UBL3: variants seen among roughly 807,000 people sequenced by gnomAD.
UBL3 encodes ubiquitin like 3.
In UBL3, 6 loss-of-function variants were observed where a neutral mutation model predicts 18.4. The ratio of observed to expected loss-of-function variants is 0.33; its 90% CI spans 0.18 to 0.64. The LOEUF (loss-of-function observed/expected upper bound fraction) is 0.64. Among genes scored for constraint, UBL3 ranks in the 30% least tolerant of loss-of-function variants. UBL3 has a pLI of 0.76. For missense variants in UBL3, 109 were observed against 142.9 expected, an observed-to-expected ratio of 0.76 and a Z score of 1.21; for synonymous variants, 49 against 46.6, an observed-to-expected ratio of 1.05 and a Z score of -0.21.
chr13:29,806,237 A>G (rs1179682229), intron 1 of UBL3, among the ~76,000 whole-genome samples: 1 of 152,194 alleles, frequency 6.6e-6, no homozygotes, highest in Non-Finnish European at 1.5e-5. Flanking sequence ...CTATATTAGT[A>G]AAATTACACA....
intron 1 of UBL3, among the ~76,000 whole-genome samples, chr13:29,817,813 G>T (rs1294471295): frequency 2.0e-5 from 3 of 152,156 alleles, no homozygotes; most frequent in Non-Finnish European, 2.9e-5. Context: ...GGAGAGCAGG[G>T]AGCTGGGTAA....
chr13:29,778,013 C>T (rs952500792), intron 1 of UBL3, among the ~76,000 whole-genome samples: 1 of 152,154 alleles, frequency 6.6e-6, no homozygotes. Context: ...GTGATCTGCC[C>T]ACCTTAGCCT....
At chr13:29,819,400 A>G (rs1196602524) in intron 1 of UBL3, among the ~76,000 whole-genome samples, 11 of 152,220 alleles carry the variant, frequency 7.2e-5, no homozygotes, top group Admixed American at 7.2e-4. Context: ...GGGATAAAGA[A>G]AGATGCTCAG....
chr13:29,770,056 G>A (rs1796581861), intron 3 of UBL3, among the ~76,000 whole-genome samples: 1 of 152,022 alleles, frequency 6.6e-6, no homozygotes. Context: ...AACTGTCTTT[G>A]ATTTTCAGTT....
At chr13:29,778,152 A>G (rs1258872840) in intron 1 of UBL3, among the ~76,000 whole-genome samples, 2 of 152,186 alleles carry the variant, frequency 1.3e-5, no homozygotes, top group Admixed American at 6.5e-5. Flanking sequence ...GCATGACCAT[A>G]TATTTTTTAG....
chr13:29,821,118 T>C (rs941789954), intron 1 of UBL3, among the ~76,000 whole-genome samples: 1 of 152,142 alleles, frequency 6.6e-6, no homozygotes, highest in Non-Finnish European at 1.5e-5. Context: ...AGTGCCCACC[T>C]GGGCACTCAA....
chr13:29,812,834 A>G (rs1878130836), intron 1 of UBL3, among the ~76,000 whole-genome samples: 1 of 152,048 alleles, frequency 6.6e-6, no homozygotes, highest in Admixed American at 6.6e-5. Context: ...GTAAAACACT[A>G]TCAATAATTT....
At chr13:29,836,312 A>G (rs930692043) in intron 1 of UBL3, among the ~76,000 whole-genome samples, 1 of 152,108 alleles carries the variant, frequency 6.6e-6, no homozygotes, top group Admixed American at 6.6e-5. Flanking sequence ...AAAGAGAGAG[A>G]GGACTGCCAA....
chr13:29,803,280 A>G (rs1235932043), intron 1 of UBL3, among the ~76,000 whole-genome samples: 12 of 152,194 alleles, frequency 7.9e-5, no homozygotes. Flanking sequence ...TGGAAAGGAA[A>G]GAAGACCATT....
At chr13:29,848,940 A>C (rs1879295285) in intron 1 of UBL3, among the ~76,000 whole-genome samples, 1 of 152,228 alleles carries the variant, frequency 6.6e-6, no homozygotes, top group Non-Finnish European at 1.5e-5. Context: ...ATACAGGGTC[A>C]GCCTACGTTT....
At chr13:29,807,577 A>G (rs988177401) in intron 1 of UBL3, among the ~76,000 whole-genome samples, 2 of 152,144 alleles carry the variant, frequency 1.3e-5, no homozygotes, top group Non-Finnish European at 2.9e-5. Flanking sequence ...TTCAGTAGTT[A>G]TTATTATCCA....
intron 1 of UBL3, among the ~76,000 whole-genome samples, chr13:29,843,506 T>C (rs543969632): frequency 6.6e-6 from 1 of 152,312 alleles, no homozygotes. Flanking sequence ...AAACTTATCT[T>C]ACAAAGATGA....
At chr13:29,791,032 A>T (rs1268948008) in intron 1 of UBL3, among the ~76,000 whole-genome samples, 1 of 152,158 alleles carries the variant, frequency 6.6e-6, no homozygotes, top group Non-Finnish European at 1.5e-5. Context: ...CTGATCGGGT[A>T]GATAGCTTAC....
At chr13:29,769,695 G>C (rs538612189) in intron 3 of UBL3, among the ~76,000 whole-genome samples, 1 of 152,144 alleles carries the variant, frequency 6.6e-6, no homozygotes, top group African/African-American at 2.4e-5. Flanking sequence ...TTCACCCTCC[G>C]ATTAACAAGG....
At position 29,777,236 on chromosome 13, in the gene UBL3, C is replaced by T. The variant is rs772638593; in HGVS notation, c.55G>A (p.Gly19Arg). ...MINLRLILVS[G>R]KTKEFLFSPN... is the part of the protein sequence containing the mutation. ...GAAAACAGGAACTCTTTTGTTTTTC[C>T]GCTTACCAAAATGAGGCGCAAATTT... The change falls in exon 2 of 5, where the codon GGA becomes AGA. Residue 19 changes from glycine to arginine, a missense_variant. Gly to Arg is a moderately radical substitution (Grantham distance 125). Transcript: ENST00000380680. The T allele has an allele frequency of 2.5e-6, 4 of 1,608,790 alleles. No homozygotes were observed. The highest frequency in any genetic ancestry group is 3.4e-6 in the Non-Finnish European group (4 of 1,177,454).
chr13:29,808,963 G>A (rs1383543710), intron 1 of UBL3, among the ~76,000 whole-genome samples: 1 of 152,096 alleles, frequency 6.6e-6, no homozygotes, highest in Non-Finnish European at 1.5e-5. Flanking sequence ...TTTTAACACA[G>A]TATGATCATG....
chr13:29,808,334 TTTAAA>T (rs143469442), intron 1 of UBL3, among the ~76,000 whole-genome samples: 42,460 of 151,796 alleles, frequency 0.28, 5,957 homozygotes, highest in East Asian at 0.41. Flanking sequence ...ACATGACTAC[TTTAAA>T]TTAATTACAA....
chr13:29,772,240 A>T (rs1254899087), intron 2 of UBL3, 42 bp from the exon 3 acceptor site: 1 of 1,517,000 alleles, frequency 6.6e-7, no homozygotes, highest in East Asian at 2.3e-5. Context: ...ATTCCAACAT[A>T]TAATTAAGGT....
intron 2 of UBL3, among the ~76,000 whole-genome samples, chr13:29,774,246 A>G (rs563880861): frequency 1.5e-4 from 23 of 152,256 alleles, no homozygotes; most frequent in African/African-American, 5.1e-4. Context: ...ACTAATTTTA[A>G]TATCTAAGTA....
Sources: gnomAD v4.1 joint callset for allele counts (sites outside exome capture counted in the v4.1 genomes callset) on GRCh38, gnomAD v4.1.1 for gene constraint, MANE v1.5 for transcripts, NCBI Gene and HGNC (gene_info 2026-07-23, HGNC 2026-07-21) for gene names.